The following DACH2 variants were observed in gnomAD, a reference collection of about 807,000 sequenced individuals.
DACH2 encodes the protein dachshund homolog 2.
DACH2 carries 17 observed loss-of-function variants against 35.8 expected under a neutral mutation model. The ratio of observed to expected loss-of-function variants is 0.48; its 90% CI spans 0.33 to 0.71. The LOEUF (loss-of-function observed/expected upper bound fraction) is 0.71, where lower values mean the gene tolerates loss of function less well. Among genes scored for constraint, DACH2 ranks in the 30% least tolerant of loss-of-function variants. DACH2 has a pLI of 0.02. For synonymous variants in DACH2, 195 were observed against 177.3 expected (o/e 1.10, Z -0.79); for missense variants, 469 against 472.7 (o/e 0.99, Z 0.07).
intron 4 of DACH2, among the ~76,000 whole-genome samples, chrX:86,663,800 CT>C (rs35741841): frequency 9.0e-6 from 1 of 111,249 alleles, no homozygotes; most frequent in Admixed American, 9.6e-5. Context: ...GACCAGGTCT[CT>C]TTTTTTTCTA....
intron 1 of DACH2, among the ~76,000 whole-genome samples, chrX:86,170,772 A>G (rs1021732672): frequency 8.9e-6 from 1 of 112,425 alleles, no homozygotes; most frequent in Admixed American, 9.4e-5. Flanking sequence ...AAGGCTAAGC[A>G]TGCGCCTGTG....
intron 5 of DACH2, among the ~76,000 whole-genome samples, chrX:86,713,654 C>T (rs968776194): frequency 2.7e-5 from 3 of 111,442 alleles, no homozygotes; most frequent in Non-Finnish European, 5.7e-5. Flanking sequence ...CTACGGTTTG[C>T]TCACAGTCAC....
intron 7 of DACH2, among the ~76,000 whole-genome samples, chrX:86,763,292 T>A (rs2041900983): frequency 2.7e-5 from 3 of 112,374 alleles, no homozygotes; most frequent in African/African-American, 9.7e-5. Context: ...GGAAATGGAA[T>A]GATTTACAAC....
At chrX:86,746,156 T>A (rs929122346) in intron 7 of DACH2, among the ~76,000 whole-genome samples, 8 of 111,949 alleles carry the variant, frequency 7.1e-5, no homozygotes, top group Non-Finnish European at 1.3e-4. Context: ...ATTCATCAGT[T>A]GAAGGATATT....
chrX:86,260,387 A>G (rs1277670751), intron 1 of DACH2, among the ~76,000 whole-genome samples: 2 of 111,345 alleles, frequency 1.8e-5, no homozygotes, highest in African/African-American at 3.3e-5. Flanking sequence ...AAAACCCACT[A>G]ATTCTCAGCA....
At chrX:86,573,998 A>T (rs1569444086) in intron 3 of DACH2, among the ~76,000 whole-genome samples, 2 of 112,113 alleles carry the variant, frequency 1.8e-5, no homozygotes. Flanking sequence ...AGTATTATTG[A>T]AAAATCTTAT....
chrX:86,531,895 G>A (rs57327702), intron 3 of DACH2, among the ~76,000 whole-genome samples: 199 of 113,082 alleles, frequency 1.8e-3, no homozygotes, highest in African/African-American at 6.0e-3. Flanking sequence ...GTACCCTGCT[G>A]AGCCACTGGT....
intron 1 of DACH2, among the ~76,000 whole-genome samples, chrX:86,209,005 G>A (rs1296962930): frequency 9.0e-6 from 1 of 111,393 alleles, no homozygotes; most frequent in Non-Finnish European, 1.9e-5. Context: ...CTATTTCATA[G>A]GCATGAAGCT....
At chrX:86,222,223 G>A (rs759431039) in intron 1 of DACH2, among the ~76,000 whole-genome samples, 3 of 112,139 alleles carry the variant, frequency 2.7e-5, no homozygotes, top group Non-Finnish European at 5.6e-5. Flanking sequence ...TAAAATATGT[G>A]AAGAGGAATC....
At chrX:86,265,767 C>A (rs1345630313) in intron 1 of DACH2, among the ~76,000 whole-genome samples, 1 of 111,493 alleles carries the variant, frequency 9.0e-6, no homozygotes, top group Non-Finnish European at 1.9e-5. Flanking sequence ...GGAGAGATTT[C>A]TTCAAAAAGG....
At chrX:86,553,606 A>G (rs193265134) in intron 3 of DACH2, among the ~76,000 whole-genome samples, 48 of 112,244 alleles carry the variant, frequency 4.3e-4, no homozygotes, top group Non-Finnish European at 7.9e-4. Flanking sequence ...TCATACAGAG[A>G]GAAAAAGCAT....
chrX:86,455,886 C>A, intron 2 of DACH2, among the ~76,000 whole-genome samples: 1 of 112,276 alleles, frequency 8.9e-6, no homozygotes, highest in African/African-American at 3.2e-5. Flanking sequence ...GTATATTAAA[C>A]TCCTGGGTGT....
At chrX:86,533,655 T>C (rs777161424) in intron 3 of DACH2, among the ~76,000 whole-genome samples, 6 of 112,247 alleles carry the variant, frequency 5.3e-5, no homozygotes, top group African/African-American at 1.9e-4. Context: ...TCATTTTTAT[T>C]CTCTTTAAAG....
chrX:86,231,160 C>T (rs1029323148), intron 1 of DACH2, among the ~76,000 whole-genome samples: 7 of 111,610 alleles, frequency 6.3e-5, no homozygotes, highest in Non-Finnish European at 1.3e-4. Context: ...TAGCTGTATC[C>T]CAGAGGTTTT....
intron 2 of DACH2, among the ~76,000 whole-genome samples, chrX:86,408,039 C>T (rs2036553241): frequency 9.0e-6 from 1 of 110,617 alleles, no homozygotes; most frequent in South Asian, 3.8e-4. Flanking sequence ...ATGTACAGTG[C>T]CCCTTTCACC....
intron 3 of DACH2, among the ~76,000 whole-genome samples, chrX:86,608,375 T>C (rs754178869): frequency 1.3e-3 from 140 of 111,914 alleles, no homozygotes; most frequent in African/African-American, 3.1e-3. Flanking sequence ...CTCAGGGATC[T>C]AGAACTAGAA....
intron 3 of DACH2, among the ~76,000 whole-genome samples, chrX:86,574,104 C>T (rs945779689): frequency 1.8e-5 from 2 of 111,387 alleles, no homozygotes; most frequent in Admixed American, 9.6e-5. Flanking sequence ...TCAGTCAGGG[C>T]ATAATCTTTT....
intron 2 of DACH2, among the ~76,000 whole-genome samples, chrX:86,477,474 T>C (rs1252331538): frequency 9.3e-6 from 1 of 107,578 alleles, no homozygotes; most frequent in Non-Finnish European, 1.9e-5. Flanking sequence ...CTGATATATT[T>C]ATAGTGACAC....
chrX:86,466,803 C>G (rs754844739), intron 2 of DACH2, among the ~76,000 whole-genome samples: 2 of 111,319 alleles, frequency 1.8e-5, no homozygotes, highest in African/African-American at 6.5e-5. Context: ...AGCTGCCAAG[C>G]CTTGAGGCTT....
Sources: gnomAD v4.1 joint callset for allele counts (sites outside exome capture counted in the v4.1 genomes callset) on GRCh38, gnomAD v4.1.1 for gene constraint, MANE v1.5 for transcripts, NCBI Gene and HGNC (gene_info 2026-07-23, HGNC 2026-07-21) for gene names.